Variants in TSHZ1 observed in about 807,000 individuals in gnomAD.
TSHZ1 encodes teashirt homolog 1.
Under a neutral mutation model 67.1 loss-of-function variants are expected in TSHZ1, and 12 were observed. The observed-to-expected ratio is 0.18, with a 90% CI of 0.11 to 0.29. The LOEUF is 0.29. Among genes scored for constraint, TSHZ1 ranks in the 10% least tolerant of loss-of-function variants. The probability of loss-of-function intolerance (pLI) is 1.00; values close to 1 mark genes in which losing one functional copy is unlikely to be tolerated. For synonymous variants in TSHZ1, 632 were observed against 622.4 expected (o/e 1.02, Z -0.23); for missense variants, 1,305 against 1,413.9 (o/e 0.92, Z 1.23).
At chr18:75,214,528 C>T (rs372562200) in intron 1 of TSHZ1, among the ~76,000 whole-genome samples, 1 of 151,922 alleles carries the variant, frequency 6.6e-6, no homozygotes, top group East Asian at 1.9e-4. Context: ...CTGTTTTTTT[C>T]TTAAAGCTGC....
At chr18:75,247,503 G>A (rs1225067548) in intron 1 of TSHZ1, among the ~76,000 whole-genome samples, 1 of 152,194 alleles carries the variant, frequency 6.6e-6, no homozygotes, top group Non-Finnish European at 1.5e-5. Flanking sequence ...GAATTGCCTT[G>A]CCCCTTAAGT....
In TSHZ1 at chr18:75,238,009, T is replaced by A. The variant is rs567141742; in HGVS notation, c.40+26093T>A. Among the ~76,000 whole-genome samples, 24 of 152,136 alleles carry A rather than the reference T, an allele frequency of 1.6e-4. No homozygotes were observed. In the South Asian group the frequency reaches 1.9e-3, roughly 12 times the overall value. On this transcript the variant is annotated intron_variant, in intron 1 of 1. Transcript: ENST00000580243. ...GTATTTTTAGTAGAGACGGGGTTTC[T>A]CCATGTTGGTCAGGCTGGGCACCTC...
At chr18:75,216,722 G>C (rs1470453050) in intron 1 of TSHZ1, among the ~76,000 whole-genome samples, 1 of 152,226 alleles carries the variant, frequency 6.6e-6, no homozygotes, top group Non-Finnish European at 1.5e-5. Flanking sequence ...AAGCATATTG[G>C]TGATGGAGTT....
Position 75,288,174 on chromosome 18 carries a change from C to T in TSHZ1, c.2767C>T (p.Pro923Ser). 6.2e-7 allele frequency: 1 copy of T among 1,614,182 alleles called. No individual in the cohort carries two copies. The highest frequency in any genetic ancestry group is 8.5e-7 in the Non-Finnish European group (1 of 1,180,038). ...EGKYIMSDLG[P>S]QERVHISKFT... ...CAAGTACATCATGTCGGACTTGGGCCCGCAGGAGAGGGTGCACATCTCGAA... is the reference window on the plus strand; with the variant it reads ...CAAGTACATCATGTCGGACTTGGGCTCGCAGGAGAGGGTGCACATCTCGAA... Residue 923 changes from proline to serine, a missense_variant, in exon 2 of 2, where the codon CCG (proline) becomes TCG (serine). This residue lies in a region of TSHZ1 where 909 missense variants were observed against 961.8 expected (regional missense o/e 0.95). Coordinates refer to ENST00000580243, the MANE Select transcript of TSHZ1 (RefSeq NM_001308210.2). This position sits in a 1 kb window ranked among gnomAD's most constrained non-coding sequence, Gnocchi z 4.9.
In TSHZ1 at chr18:75,231,647, G is replaced by T. The variant is rs2023000241; in HGVS notation, c.40+19731G>T. ...CCTCCTGGGTTCAAGCGATTCTCCTGCCTCAGCCACCTGAGTAGCTGGGAT... is the reference window on the plus strand; with the variant it reads ...CCTCCTGGGTTCAAGCGATTCTCCTTCCTCAGCCACCTGAGTAGCTGGGAT... On this transcript the variant is annotated intron_variant, in intron 1 of 1. Coordinates refer to ENST00000580243, the MANE Select transcript of TSHZ1 (RefSeq NM_001308210.2). Among the ~76,000 whole-genome samples the T allele has an allele frequency of 5.3e-5, 8 of 151,456 alleles. No homozygotes were observed. In the South Asian group the frequency reaches 1.7e-3, roughly 32 times the overall value.
intron 1 of TSHZ1, among the ~76,000 whole-genome samples, chr18:75,230,500 T>A (rs1051599664): frequency 1.3e-5 from 2 of 152,226 alleles, no homozygotes; most frequent in African/African-American, 4.8e-5. Context: ...GCAAATGTCA[T>A]GAAAACCATT....
chr18:75,273,321 G>A (rs767196012), intron 1 of TSHZ1, among the ~76,000 whole-genome samples: 2 of 152,180 alleles, frequency 1.3e-5, no homozygotes, highest in Non-Finnish European at 1.5e-5. Context: ...TAAGATGCAA[G>A]TTCGAGGAGA....
chr18:75,239,408 T>G (rs891924609), intron 1 of TSHZ1, among the ~76,000 whole-genome samples: 3 of 152,228 alleles, frequency 2.0e-5, no homozygotes, highest in Admixed American at 1.3e-4. Flanking sequence ...ATGTGCTTGG[T>G]TTAATTTGCA....
chr18:75,242,836 G>A (rs965176928), intron 1 of TSHZ1, among the ~76,000 whole-genome samples: 15 of 152,220 alleles, frequency 9.9e-5, no homozygotes, highest in Non-Finnish European at 1.3e-4. Context: ...ATACTTATTC[G>A]TTTGAAGCAG....
intron 1 of TSHZ1, among the ~76,000 whole-genome samples, chr18:75,229,981 A>G (rs1269898942): frequency 6.6e-6 from 1 of 152,208 alleles, no homozygotes; most frequent in Non-Finnish European, 1.5e-5. Context: ...TGGTGGTGAT[A>G]CTGGGTATTT....
chr18:75,234,967 C>G (rs2023048560), intron 1 of TSHZ1, among the ~76,000 whole-genome samples: 1 of 152,168 alleles, frequency 6.6e-6, no homozygotes, highest in South Asian at 2.1e-4. Context: ...TGAAAAACTG[C>G]TTTTGATGAG....
chr18:75,240,366 CT>C (rs33927076), intron 1 of TSHZ1, among the ~76,000 whole-genome samples: 5,983 of 142,308 alleles, frequency 0.042, 248 homozygotes, highest in African/African-American at 0.12. Flanking sequence ...GGCATTGCTC[CT>C]TTTTTTTTTT....
chr18:75,240,422 A>G (rs1459102964), intron 1 of TSHZ1, among the ~76,000 whole-genome samples: 1 of 151,890 alleles, frequency 6.6e-6, no homozygotes, highest in African/African-American at 2.4e-5. Context: ...TATATAGATA[A>G]TTGTGAAGTG....
intron 1 of TSHZ1, among the ~76,000 whole-genome samples, chr18:75,259,959 C>T (rs927351722): frequency 3.9e-5 from 6 of 152,214 alleles, no homozygotes; most frequent in African/African-American, 9.6e-5. Flanking sequence ...CGGCAACTTC[C>T]ACTTCTTGAG....
intron 1 of TSHZ1, among the ~76,000 whole-genome samples, chr18:75,234,846 T>G (rs746573951): frequency 2.6e-5 from 4 of 152,224 alleles, no homozygotes; most frequent in Non-Finnish European, 4.4e-5. Flanking sequence ...AGGAATTGTT[T>G]CTGTGATATT....
chr18:75,220,390 C>T (rs2022831457), intron 1 of TSHZ1, among the ~76,000 whole-genome samples: 1 of 152,098 alleles, frequency 6.6e-6, no homozygotes, highest in Admixed American at 6.5e-5. Flanking sequence ...GTGTGGCTTA[C>T]TGAGAATTGG....
rs566661312 is a variant in TSHZ1, at chr18:75,287,229, G to A, written c.1822G>A (p.Gly608Ser). The change falls in exon 2 of 2, where the codon GGC becomes AGC. Residue 608 changes from glycine (G) to serine (S), a missense_variant. Gly to Ser is a moderately conservative substitution (Grantham distance 56, BLOSUM62 0). Coordinates refer to ENST00000580243, the MANE Select transcript of TSHZ1 (RefSeq NM_001308210.2). This position sits in a 1 kb window ranked among gnomAD's most constrained non-coding sequence, Gnocchi z 5.0. ...SVQVQPSYAG[G>S]VKSLSSAEHN... ...GCAGGTGCAGCCGTCCTATGCTGGC[G>A]GCGTGAAGTCGCTGTCTTCCGCCGA... 2.2e-5 allele frequency: 36 copies of A among 1,613,870 alleles called. No individual in the cohort carries two copies. Among genetic ancestry groups the A allele is most frequent in the Admixed American group, 1.3e-4 (8 of 60,004 alleles).
At chr18:75,227,691 T>A (rs935605493) in intron 1 of TSHZ1, among the ~76,000 whole-genome samples, 10 of 152,258 alleles carry the variant, frequency 6.6e-5, no homozygotes, top group Non-Finnish European at 8.8e-5. Flanking sequence ...ACACTGAAGT[T>A]ATTTACAGCA....
At chr18:75,251,962 T>G (rs541451998) in intron 1 of TSHZ1, among the ~76,000 whole-genome samples, 33 of 152,282 alleles carry the variant, frequency 2.2e-4, no homozygotes, top group African/African-American at 7.9e-4. Context: ...AGAAAAAAAT[T>G]TAAAAATTAA....
Sources: gnomAD v4.1 joint callset for allele counts (sites outside exome capture counted in the v4.1 genomes callset) on GRCh38, gnomAD v4.1.1 for gene constraint, gnomAD v4.1.1 regional missense constraint, Gnocchi (gnomAD v3.1) non-coding constraint, MANE v1.5 for transcripts, NCBI Gene and HGNC (gene_info 2026-07-23, HGNC 2026-07-21) for gene names.